Variants in MMP26 observed in about 807,000 individuals in gnomAD.
MMP26 encodes matrix metalloproteinase-26.
A neutral mutation model predicts 31.0 loss-of-function variants in MMP26; 33 were observed. The observed-to-expected ratio is 1.06, with a 90% CI of 0.81 to 1.42. The LOEUF is 1.42. Among genes scored for constraint, MMP26 ranks in the 40% most tolerant of loss-of-function variants. MMP26 has a pLI of 0.00. For synonymous variants in MMP26, 122 were observed against 114.9 expected (o/e 1.06, Z -0.40); for missense variants, 347 against 316.1 (o/e 1.10, Z -0.74).
At chr11:4,962,758 C>A in intron 2 of MMP26, among the ~76,000 whole-genome samples, 1 of 152,186 alleles carries the variant, frequency 6.6e-6, no homozygotes. Flanking sequence ...GACTTTTTGA[C>A]AAGTTGGGGT....
intron 2 of MMP26, among the ~76,000 whole-genome samples, chr11:4,811,366 C>G (rs1218620414): frequency 6.6e-6 from 1 of 152,148 alleles, no homozygotes; most frequent in Non-Finnish European, 1.5e-5. Context: ...AACCTCCACG[C>G]TCAAGTAGGT....
intron 2 of MMP26, among the ~76,000 whole-genome samples, chr11:4,803,021 T>C: frequency 6.6e-6 from 1 of 152,228 alleles, no homozygotes; most frequent in South Asian, 2.1e-4. Flanking sequence ...TATTCTCAGA[T>C]GAAGAAATAT....
At chr11:4,847,688 T>A (rs1849892684) in intron 2 of MMP26, 2 of 152,224 alleles carry the variant, frequency 1.3e-5, no homozygotes, top group Admixed American at 1.3e-4. Context: ...TTCCCTCTTT[T>A]TTTCCTGGCC....
At chr11:4,956,451 G>A (rs1846444334) in intron 2 of MMP26, among the ~76,000 whole-genome samples, 1 of 152,106 alleles carries the variant, frequency 6.6e-6, no homozygotes, top group Admixed American at 6.5e-5. Flanking sequence ...CTGTAATAAG[G>A]GATGATTTGT....
chr11:4,970,075 G>A (rs181210819), intron 2 of MMP26, among the ~76,000 whole-genome samples: 3 of 152,030 alleles, frequency 2.0e-5, no homozygotes, highest in East Asian at 3.9e-4. Flanking sequence ...ACACACAGAC[G>A]AGCCACAGAG....
intron 2 of MMP26, among the ~76,000 whole-genome samples, chr11:4,967,072 A>G (rs1410431768): frequency 6.6e-6 from 1 of 152,214 alleles, no homozygotes; most frequent in African/African-American, 2.4e-5. Context: ...TGAAGTTTAT[A>G]ACAAGTTGTC....
chr11:4,983,090 G>A (rs1289435883), intron 2 of MMP26, among the ~76,000 whole-genome samples: 1 of 152,162 alleles, frequency 6.6e-6, no homozygotes, highest in East Asian at 1.9e-4. Flanking sequence ...AATAGCCTTT[G>A]CACACCAGTA....
At chr11:4,787,381 G>A (rs893678777) in intron 2 of MMP26, 6 of 152,210 alleles carry the variant, frequency 3.9e-5, no homozygotes, top group Admixed American at 2.0e-4. Flanking sequence ...TCTGGTCACC[G>A]GGGTTGGTAC....
chr11:4,925,059 G>A (rs35301592), intron 2 of MMP26, among the ~76,000 whole-genome samples: 14,881 of 152,148 alleles, frequency 0.098, 866 homozygotes, highest in Non-Finnish European at 0.12. Context: ...TAAATGCATT[G>A]TGAGCCTGTT....
At chr11:4,723,040 C>T (rs1848037343) in intron 1 of MMP26, 7 of 1,067,986 alleles carry the variant, frequency 6.6e-6, no homozygotes, top group South Asian at 1.2e-5. Flanking sequence ...TATCCAGGGC[C>T]AGTTTGACTT....
rs761041742 is a variant in MMP26, at chr11:4,946,945, C to A, written c.-144-41123C>A. ...TGGGCTCATGCAAGGAGGGCTCTGT[C>A]TTGATGATAAAAAGAATGGTGCCAT... is the stretch of plus-strand genomic sequence containing the variant. On this transcript the variant is annotated intron_variant, in intron 2 of 7. Coordinates refer to ENST00000380390, the MANE Select transcript of MMP26 (RefSeq NM_021801.5). 180 of 1,605,826 alleles carry A rather than the reference C, an allele frequency of 1.1e-4. 1 individual carries two copies. In the South Asian group the frequency reaches 1.8e-3, roughly 16 times the overall value.
At chr11:4,848,754 A>G (rs1260212445) in intron 2 of MMP26, 1 of 1,613,930 alleles carries the variant, frequency 6.2e-7, no homozygotes, top group Non-Finnish European at 8.5e-7. Context: ...GGCCAGGCTG[A>G]TTTTGCTAAT....
intron 2 of MMP26, among the ~76,000 whole-genome samples, chr11:4,833,434 A>G (rs1046724599): frequency 1.3e-5 from 2 of 152,230 alleles, no homozygotes; most frequent in African/African-American, 2.4e-5. Context: ...AAATTCTGGT[A>G]CTATTTAACA....
At chr11:4,858,841 C>A (rs1850098714) in intron 2 of MMP26, among the ~76,000 whole-genome samples, 1 of 152,118 alleles carries the variant, frequency 6.6e-6, no homozygotes. Flanking sequence ...GCTACAGTAA[C>A]CAAAACAGCA....
chr11:4,771,849 G>C lies in MMP26; in HGVS notation c.-145+4508G>C, dbSNP rs778263600. 3.9e-5 allele frequency among the ~76,000 whole-genome samples: 6 copies of C among 152,230 alleles called. 1 individual carries two copies. Among genetic ancestry groups the C allele is most frequent in the African/African-American group, 1.4e-4 (6 of 41,528 alleles). On this transcript the variant is annotated intron_variant, in intron 2 of 7. Coordinates refer to ENST00000380390, the MANE Select transcript of MMP26 (RefSeq NM_021801.5). ...AGGTTGTATATCTACATGTTATGTG[G>C]ATCGATGAGGACAGGGCAAACCCTC...
chr11:4,709,446 T>A, intron 1 of MMP26: 1 of 342,420 alleles, frequency 2.9e-6, no homozygotes, highest in South Asian at 2.3e-5. Context: ...CATTGAAGAA[T>A]AGGATGTGGT....
At chr11:4,736,844 A>AC (rs1848247709) in intron 1 of MMP26, 1 of 152,542 alleles carries the variant, frequency 6.6e-6, no homozygotes, top group African/African-American at 2.4e-5. Context: ...TTGAACCAGA[A>AC]TATGCCCAGC....
At chr11:4,943,816 T>C (rs565087940) in intron 2 of MMP26, 4 of 439,926 alleles carry the variant, frequency 9.1e-6, no homozygotes, top group Admixed American at 5.1e-5. Context: ...CATTGAGATT[T>C]ATGTATCTTT....
At chr11:4,726,348 A>G (rs1162642987) in intron 1 of MMP26, among the ~76,000 whole-genome samples, 1 of 151,942 alleles carries the variant, frequency 6.6e-6, no homozygotes, top group Non-Finnish European at 1.5e-5. Flanking sequence ...CTGTAGTCCC[A>G]GCTACTCGAA....
Sources: allele counts gnomAD v4.1 joint callset (sites outside exome capture counted in the v4.1 genomes callset), GRCh38; gene constraint gnomAD v4.1.1; transcripts MANE v1.5; gene names NCBI Gene and HGNC (gene_info 2026-07-23, HGNC 2026-07-21).